BLTP1: variants seen among roughly 807,000 people sequenced by gnomAD.
BLTP1 encodes bridge-like lipid transfer protein family member 1, also known as fragile site-associated protein.
chr4:122,182,850 C>A, the BLTP1 span: 1 of 984,520 alleles, frequency 1.0e-6, no homozygotes, highest in African/African-American at 1.7e-5. Flanking sequence ...CCTCTCCCAG[C>A]TTAACACAAT....
the BLTP1 span, among the ~76,000 whole-genome samples, chr4:122,216,873 C>T: frequency 4.6e-5 from 7 of 151,996 alleles, no homozygotes; most frequent in Non-Finnish European, 1.0e-4. Flanking sequence ...CTGATGTTAT[C>T]TTAGAATTTT....
the BLTP1 span, among the ~76,000 whole-genome samples, chr4:122,155,666 C>G: frequency 2.0e-5 from 3 of 152,048 alleles, no homozygotes; most frequent in Non-Finnish European, 4.4e-5. Flanking sequence ...TACTGTATTT[C>G]ATATTAAAGA....
At chr4:122,193,110 T>C in the BLTP1 span, among the ~76,000 whole-genome samples, 4 of 152,276 alleles carry the variant, frequency 2.6e-5, no homozygotes, top group East Asian at 5.8e-4. Flanking sequence ...TCCAGTCATA[T>C]TGGATTAGGA....
the BLTP1 span, chr4:122,360,089 C>A: frequency 1.1e-6 from 1 of 948,788 alleles, no homozygotes; most frequent in African/African-American, 1.8e-5. Flanking sequence ...TGGCAAGATG[C>A]AGCAGAAGTC....
chr4:122,249,485 A>T, the BLTP1 span: 1 of 1,611,674 alleles, frequency 6.2e-7, no homozygotes, highest in Non-Finnish European at 8.5e-7. Context: ...TTGATAATAG[A>T]CATTGGGACC....
chr4:122,316,309 G>A, the BLTP1 span: 2 of 432,674 alleles, frequency 4.6e-6, no homozygotes, highest in Non-Finnish European at 9.5e-6. Context: ...TTCTTGGGAA[G>A]AAATTTTTTT....
At chr4:122,269,760 T>C in the BLTP1 span, 4 of 849,020 alleles carry the variant, frequency 4.7e-6, no homozygotes, top group Middle Eastern at 6.1e-4. Flanking sequence ...ACATTTAGCA[T>C]TGAGTCTGGC....
chr4:122,235,539 C>T, the BLTP1 span: 6 of 927,414 alleles, frequency 6.5e-6, no homozygotes, highest in African/African-American at 8.9e-5. Flanking sequence ...GGCGTGGTGG[C>T]TCACACCTGT....
the BLTP1 span, chr4:122,333,562 T>G: frequency 2.0e-5 from 30 of 1,480,054 alleles, no homozygotes; most frequent in Non-Finnish European, 2.7e-5. Flanking sequence ...TTGCGAAAAG[T>G]TTGCTTTTAA....
the BLTP1 span, chr4:122,174,355 T>G: frequency 1.0e-6 from 1 of 979,882 alleles, no homozygotes. Context: ...CCTCTTCAGG[T>G]TATTTAGTAG....
the BLTP1 span, among the ~76,000 whole-genome samples, chr4:122,354,961 A>G: frequency 6.6e-6 from 1 of 152,126 alleles, no homozygotes; most frequent in Non-Finnish European, 1.5e-5. Flanking sequence ...CACCATGCAC[A>G]GCCAAAAATG....
chr4:122,292,277 G>A, the BLTP1 span: 4 of 900,672 alleles, frequency 4.4e-6, no homozygotes, highest in Non-Finnish European at 5.3e-6. Context: ...CCATCAAACA[G>A]TTTTATCTTC....
the BLTP1 span, chr4:122,325,307 A>G: frequency 3.5e-5 from 56 of 1,608,006 alleles, no homozygotes; most frequent in Admixed American, 2.4e-4. Context: ...GTAACTTTTA[A>G]TATCCAGGAT....
the BLTP1 span, chr4:122,286,926 C>T: frequency 4.2e-6 from 3 of 715,726 alleles, no homozygotes; most frequent in Admixed American, 3.0e-5. Flanking sequence ...TATACCAAAT[C>T]AAGTGTGTGT....
the BLTP1 span, chr4:122,188,111 A>G: frequency 6.3e-6 from 9 of 1,432,922 alleles, no homozygotes; most frequent in Non-Finnish European, 7.4e-6. Flanking sequence ...TATAAAAATA[A>G]TAAAAAACTT....
the BLTP1 span, among the ~76,000 whole-genome samples, chr4:122,323,390 G>GA: frequency 6.8e-6 from 1 of 146,066 alleles, no homozygotes; most frequent in East Asian, 2.0e-4. Flanking sequence ...CACTTAAAAG[G>GA]AAAAAAAAAG....
chr4:122,221,660 T>G, the BLTP1 span: 1 of 229,076 alleles, frequency 4.4e-6, no homozygotes, highest in Admixed American at 6.5e-5. Flanking sequence ...TATTTTAACT[T>G]GCCATATTAA....
chr4:122,257,640 A>G, the BLTP1 span: 5 of 751,596 alleles, frequency 6.7e-6, no homozygotes, highest in Admixed American at 5.2e-5. Context: ...AAAAATGTCA[A>G]GACCCTTTGT....
the BLTP1 span, among the ~76,000 whole-genome samples, chr4:122,332,780 C>G: frequency 3.4e-5 from 4 of 118,290 alleles, no homozygotes; most frequent in South Asian, 6.9e-4. Context: ...ATCCCTCCCC[C>G]CTCCCCCCAC....
Sources: allele counts gnomAD v4.1 joint callset (sites outside exome capture counted in the v4.1 genomes callset), GRCh38; gene constraint gnomAD v4.1.1; transcripts MANE v1.5; gene names NCBI Gene and HGNC (gene_info 2026-07-23, HGNC 2026-07-21).